The following ASAP1 variants were observed in gnomAD, a reference collection of about 807,000 sequenced individuals.
ASAP1 encodes the protein arf-GAP with SH3 domain, ANK repeat and PH domain-containing protein 1.
A neutral mutation model predicts 145.2 loss-of-function variants in ASAP1; 43 were observed. That is an observed-to-expected ratio of 0.30 (90% CI 0.23 to 0.38). The LOEUF is 0.38. Among genes scored for constraint, ASAP1 ranks in the 10% least tolerant of loss-of-function variants. ASAP1 has a pLI of 1.00. For synonymous variants in ASAP1, 546 were observed against 515.5 expected (o/e 1.06, Z -0.80); for missense variants, 1,018 against 1,355.3 (o/e 0.75, Z 3.91).
rs1306981977 is a variant in ASAP1, at chr8:130,148,230, AC to A, written c.1080+4505del. Among the ~76,000 whole-genome samples, 7 of 150,088 alleles carry A rather than the reference AC, an allele frequency of 4.7e-5. No individual in the cohort carries two copies. In the East Asian group the frequency reaches 1.4e-3, roughly 30 times the overall value. On this transcript the variant is annotated intron_variant, in intron 13 of 29. Transcript: ENST00000518721. The stretch of plus-strand genomic sequence containing the variant: ...CAATCTGGCAGCTGAGGAAAAAAAA[AC>A]CCTATGATACAGTAGAAAGAGTACA...
intron 7 of ASAP1, among the ~76,000 whole-genome samples, chr8:130,184,981 C>T (rs1814620325): frequency 1.3e-5 from 2 of 152,204 alleles, no homozygotes; most frequent in South Asian, 2.1e-4. Flanking sequence ...TAAATCATTA[C>T]AAACTTCACT....
intron 1 of ASAP1, among the ~76,000 whole-genome samples, chr8:130,430,654 G>C (rs1044815550): frequency 6.6e-6 from 1 of 152,178 alleles, no homozygotes; most frequent in African/African-American, 2.4e-5. Flanking sequence ...GGTAGGAGAG[G>C]GTTGGATGAT....
intron 5 of ASAP1, among the ~76,000 whole-genome samples, chr8:130,207,950 G>A (rs1816329817): frequency 1.3e-5 from 2 of 152,202 alleles, no homozygotes; most frequent in South Asian, 4.1e-4. Context: ...GGCTCAAAGA[G>A]TATCAGGAAG....
chr8:130,202,731 G>A (rs963234902), intron 5 of ASAP1, among the ~76,000 whole-genome samples: 2 of 152,178 alleles, frequency 1.3e-5, no homozygotes, highest in Non-Finnish European at 2.9e-5. Context: ...GTGAATGAAT[G>A]AATCTGCCTC....
chr8:130,148,451 G>A (rs1011958452), intron 13 of ASAP1, among the ~76,000 whole-genome samples: 2 of 152,150 alleles, frequency 1.3e-5, no homozygotes, highest in Admixed American at 1.3e-4. Context: ...TACCTCCTAG[G>A]AATTTCCAGC....
Position 130,112,294 on chromosome 8 carries a change from G to C in ASAP1, c.2201C>G (p.Pro734Arg), listed in dbSNP as rs779404330. Residue 734 changes from proline (P) to arginine (R), a missense_variant, in exon 24 of 30, where the codon CCC becomes CGC. Pro to Arg is a moderately radical substitution (Grantham distance 103). Coordinates refer to ENST00000518721, the MANE Select transcript of ASAP1 (RefSeq NM_018482.4). ...GGAGTGGCAGAAGCTCTGAGGTCTG[G>C]GTGAGCGCTCTTTCTTGATAGGGCT... Reference protein sequence around the residue: ...KPSPIKKERSPRPQSFCHSSS... With the variant: ...KPSPIKKERSRRPQSFCHSSS... 1.2e-5 allele frequency: 20 copies of C among 1,614,054 alleles called. No homozygotes were observed. Among genetic ancestry groups the C allele is most frequent in the Non-Finnish European group, 1.7e-5 (20 of 1,180,018 alleles).
intron 1 of ASAP1, among the ~76,000 whole-genome samples, chr8:130,428,306 G>A (rs1000292887): frequency 6.0e-5 from 9 of 150,204 alleles, no homozygotes; most frequent in Non-Finnish European, 1.5e-5. Flanking sequence ...AAATTGGAAG[G>A]AATATTCATG....
chr8:130,085,541 C>A lies in ASAP1; in HGVS notation c.2573-5570G>T, dbSNP rs551539706. 3.3e-5 allele frequency among the ~76,000 whole-genome samples: 5 copies of A among 152,074 alleles called. No homozygotes were observed. In the East Asian group the frequency reaches 9.6e-4, roughly 29 times the overall value. Reference sequence around the variant, plus strand: ...CCTGAGCCCAGGAGTTCGAGACCAGCCTGGGCAACATAGTAAGACCTTGTC... The same window carrying A: ...CCTGAGCCCAGGAGTTCGAGACCAGACTGGGCAACATAGTAAGACCTTGTC... On this transcript the variant is annotated intron_variant, in intron 25 of 29. Transcript: ENST00000518721.
chr8:130,092,560 G>A (rs116625646), intron 24 of ASAP1, among the ~76,000 whole-genome samples: 2,312 of 152,198 alleles, frequency 0.015, 33 homozygotes, highest in African/African-American at 0.039. Context: ...TCAGGAGTTC[G>A]AGGATACACT....
intron 3 of ASAP1, among the ~76,000 whole-genome samples, chr8:130,350,917 G>A (rs1237488812): frequency 6.6e-6 from 1 of 152,182 alleles, no homozygotes; most frequent in Non-Finnish European, 1.5e-5. Context: ...AAATCAGGTT[G>A]GGTCAACAGT....
chr8:130,184,994 C>T (rs756772294), intron 7 of ASAP1, among the ~76,000 whole-genome samples: 1 of 152,186 alleles, frequency 6.6e-6, no homozygotes, highest in African/African-American at 2.4e-5. Context: ...ACTTCACTGC[C>T]TCCAGAGTTC....
intron 18 of ASAP1, among the ~76,000 whole-genome samples, chr8:130,123,405 C>T (rs914281243): frequency 6.6e-6 from 1 of 152,238 alleles, no homozygotes; most frequent in African/African-American, 2.4e-5. Context: ...GTCTCTTACT[C>T]ATCACAATAT....
chr8:130,163,953 G>A (rs1244631453), intron 11 of ASAP1, among the ~76,000 whole-genome samples: 1 of 152,124 alleles, frequency 6.6e-6, no homozygotes, highest in Non-Finnish European at 1.5e-5. Flanking sequence ...AAAAGTGCAA[G>A]CAATTATACA....
At chr8:130,317,229 CAAGT>C (rs1209893575) in intron 3 of ASAP1, among the ~76,000 whole-genome samples, 1 of 152,044 alleles carries the variant, frequency 6.6e-6, no homozygotes, top group Admixed American at 6.6e-5. Context: ...GGTACCTAAG[CAAGT>C]GAGGGTTCAT....
At chr8:130,314,953 CA>C (rs1302396330) in intron 3 of ASAP1, among the ~76,000 whole-genome samples, 4 of 152,204 alleles carry the variant, frequency 2.6e-5, no homozygotes, top group Non-Finnish European at 4.4e-5. Flanking sequence ...AGGTCTTCCA[CA>C]AGTTAGCTGG....
At chr8:130,407,792 A>G (rs1355101888) in intron 1 of ASAP1, among the ~76,000 whole-genome samples, 2 of 152,088 alleles carry the variant, frequency 1.3e-5, no homozygotes, top group South Asian at 2.1e-4. Context: ...CCATTCCTCA[A>G]ATAGGTGTTT....
In ASAP1 at chr8:130,307,922, C is replaced by T. The variant is rs142933891; in HGVS notation, c.186+50095G>A. On this transcript the variant is annotated intron_variant, in intron 3 of 29. Coordinates refer to ENST00000518721, the MANE Select transcript of ASAP1 (RefSeq NM_018482.4). ...GATTTTTAACTTTAGTGTTAAAATA[C>T]ACTTGAGAGAAATAATGTTTGCACA... 8.2e-3 allele frequency among the ~76,000 whole-genome samples: 1,251 copies of T among 152,288 alleles called. 19 individuals are homozygous for T. Among genetic ancestry groups the T allele is most frequent in the African/African-American group, 0.029 (1,203 of 41,560 alleles).
intron 3 of ASAP1, among the ~76,000 whole-genome samples, chr8:130,308,858 A>G (rs1334572204): frequency 6.6e-6 from 1 of 152,168 alleles, no homozygotes; most frequent in Non-Finnish European, 1.5e-5. Context: ...CCTGGCCAAC[A>G]TGGTAAAACC....
intron 24 of ASAP1, among the ~76,000 whole-genome samples, chr8:130,108,564 C>T (rs566857061): frequency 3.9e-5 from 6 of 152,038 alleles, no homozygotes; most frequent in Admixed American, 1.3e-4. Flanking sequence ...TTTGGGAGGC[C>T]GAGGCAGGTG....
Sources: gnomAD v4.1 joint callset for allele counts (sites outside exome capture counted in the v4.1 genomes callset) on GRCh38, gnomAD v4.1.1 for gene constraint, MANE v1.5 for transcripts, NCBI Gene and HGNC (gene_info 2026-07-23, HGNC 2026-07-21) for gene names.